HMBOX1: variants seen among roughly 807,000 people sequenced by gnomAD.
HMBOX1 encodes the protein homeobox containing 1, also known as homeobox-containing protein 1.
HMBOX1 carries 14 observed loss-of-function variants against 54.5 expected under a neutral mutation model. The ratio of observed to expected loss-of-function variants is 0.26; its 90% CI spans 0.17 to 0.40. The LOEUF (loss-of-function observed/expected upper bound fraction) is 0.40. Ranked by LOEUF, HMBOX1 falls within the 10% of genes least tolerant of loss-of-function variation. The probability of loss-of-function intolerance (pLI) is 1.00; values close to 1 mark genes in which losing one functional copy is unlikely to be tolerated. For missense variants in HMBOX1, 332 were observed against 514.4 expected (o/e 0.65, Z 3.43); for synonymous variants, 160 against 181.0 (o/e 0.88, Z 0.93).
chr8:28,981,091 G>A (rs1050312307), intron 4 of HMBOX1, among the ~76,000 whole-genome samples: 7 of 152,104 alleles, frequency 4.6e-5, no homozygotes, highest in African/African-American at 1.7e-4. Flanking sequence ...TCCAGACCAT[G>A]ATACATACTG....
chr8:29,030,553 T>A (rs1025280433), intron 6 of HMBOX1, among the ~76,000 whole-genome samples: 1 of 152,186 alleles, frequency 6.6e-6, no homozygotes, highest in Non-Finnish European at 1.5e-5. Flanking sequence ...AATTAGTAAA[T>A]GTTATGTAAT....
intron 2 of HMBOX1, among the ~76,000 whole-genome samples, 171 bp from the exon 3 acceptor site, chr8:28,969,872 G>C (rs1224664610): frequency 6.6e-6 from 1 of 152,056 alleles, no homozygotes; most frequent in Admixed American, 6.5e-5. Context: ...AATACATTTA[G>C]TATCTGTACC....
At chr8:28,947,697 G>A (rs994756603) in intron 1 of HMBOX1, among the ~76,000 whole-genome samples, 2 of 152,102 alleles carry the variant, frequency 1.3e-5, no homozygotes, top group African/African-American at 4.8e-5. Flanking sequence ...CTTAATCCAC[G>A]TTAGCTAAGA....
intron 4 of HMBOX1, among the ~76,000 whole-genome samples, chr8:28,981,342 G>A (rs1829314405): frequency 6.6e-6 from 1 of 152,152 alleles, no homozygotes; most frequent in Non-Finnish European, 1.5e-5. Flanking sequence ...CAGTGCGTTA[G>A]TTTAATTGTT....
chr8:29,009,334 TA>T, intron 5 of HMBOX1, 152 bp downstream of exon 5: 1 of 1,073,492 alleles, frequency 9.3e-7, no homozygotes, highest in Non-Finnish European at 1.3e-6. Flanking sequence ...CAGTAAAAGC[TA>T]AACCCTGACT....
intron 1 of HMBOX1, among the ~76,000 whole-genome samples, chr8:28,923,611 C>G (rs1190006410): frequency 1.3e-5 from 2 of 152,088 alleles, no homozygotes; most frequent in East Asian, 1.9e-4. Flanking sequence ...TCTAGAGATG[C>G]TTTAAAGTAC....
chr8:28,976,588 A>G (rs1828413820), intron 3 of HMBOX1, among the ~76,000 whole-genome samples: 1 of 152,148 alleles, frequency 6.6e-6, no homozygotes, highest in African/African-American at 2.4e-5. Flanking sequence ...GCCAGGGCCC[A>G]GCTTTGTTAA....
chr8:29,049,136 G>A (rs1266180244), intron 9 of HMBOX1, 88 bp downstream of exon 9: 5 of 1,468,568 alleles, frequency 3.4e-6, no homozygotes, highest in Non-Finnish European at 3.8e-6. Context: ...TGGCTGATGG[G>A]GTGGGGGAGG....
intron 1 of HMBOX1, among the ~76,000 whole-genome samples, chr8:28,932,900 G>C (rs1819703822): frequency 6.6e-6 from 1 of 152,150 alleles, no homozygotes; most frequent in South Asian, 2.1e-4. Context: ...AGAGAACCAA[G>C]GCAGTTTCCA....
intron 1 of HMBOX1, among the ~76,000 whole-genome samples, chr8:28,938,980 G>T (rs1820871005): frequency 6.6e-6 from 1 of 152,054 alleles, no homozygotes; most frequent in African/African-American, 2.4e-5. Flanking sequence ...AAGAAAGCAA[G>T]ACTTTGTCTC....
intron 1 of HMBOX1, among the ~76,000 whole-genome samples, chr8:28,908,760 T>C (rs1814830604): frequency 6.6e-6 from 1 of 151,934 alleles, no homozygotes; most frequent in Non-Finnish European, 1.5e-5. Flanking sequence ...AGCGAGACTC[T>C]GTCTTAAAAA....
intron 1 of HMBOX1, among the ~76,000 whole-genome samples, chr8:28,960,780 T>TTTTTTTTTTTTTTTG (rs1825414973): frequency 2.3e-5 from 1 of 43,384 alleles, no homozygotes; most frequent in African/African-American, 7.2e-5. Context: ...TTTTTTTTTT[T>TTTTTTTTTTTTTTTG]TTTTTTTTTT....
At chr8:28,960,477 C>A (rs1434875718) in intron 1 of HMBOX1, among the ~76,000 whole-genome samples, 2 of 151,630 alleles carry the variant, frequency 1.3e-5, no homozygotes, top group Non-Finnish European at 2.9e-5. Flanking sequence ...GAAAAAAAAA[C>A]TTCTTTGTTA....
chr8:28,911,636 G>A (rs1369905838), intron 1 of HMBOX1, among the ~76,000 whole-genome samples: 2 of 152,036 alleles, frequency 1.3e-5, no homozygotes, highest in Non-Finnish European at 2.9e-5. Context: ...GATTATAGGC[G>A]TGAGCCACCG....
At chr8:28,969,899 C>G in intron 2 of HMBOX1, 144 bp from the exon 3 acceptor site, 1 of 620,658 alleles carries the variant, frequency 1.6e-6, no homozygotes, top group East Asian at 2.7e-5. Flanking sequence ...TTTGCCATGG[C>G]ACAATCATTC....
intron 4 of HMBOX1, among the ~76,000 whole-genome samples, chr8:28,999,383 C>T (rs1832307892): frequency 6.6e-6 from 1 of 152,120 alleles, no homozygotes; most frequent in Non-Finnish European, 1.5e-5. Flanking sequence ...TGAGTTAACC[C>T]TACCTGAAGA....
At chr8:28,960,376 T>C (rs1016308316) in intron 1 of HMBOX1, among the ~76,000 whole-genome samples, 1 of 152,004 alleles carries the variant, frequency 6.6e-6, no homozygotes, top group African/African-American at 2.4e-5. Flanking sequence ...GTTATTTTTG[T>C]ACATTTTTCC....
At chr8:28,939,795 C>T (rs1485107278) in intron 1 of HMBOX1, among the ~76,000 whole-genome samples, 1 of 152,086 alleles carries the variant, frequency 6.6e-6, no homozygotes, top group Non-Finnish European at 1.5e-5. Context: ...CATGCGTCAG[C>T]CACCGTGCCC....
At chr8:28,979,727 A>G (rs1829035562) in intron 3 of HMBOX1, among the ~76,000 whole-genome samples, 1 of 152,214 alleles carries the variant, frequency 6.6e-6, no homozygotes, top group Admixed American at 6.5e-5. Flanking sequence ...TCTGTGTAAG[A>G]TATATTCATT....
Sources: gnomAD v4.1 joint callset for allele counts (sites outside exome capture counted in the v4.1 genomes callset) on GRCh38, gnomAD v4.1.1 for gene constraint, MANE v1.5 for transcripts, NCBI Gene and HGNC (gene_info 2026-07-23, HGNC 2026-07-21) for gene names.